The following SASH1 variants were observed in gnomAD, a reference collection of about 807,000 sequenced individuals.
SASH1 encodes the protein SAM and SH3 domain-containing protein 1.
SASH1 carries 44 observed loss-of-function variants against 125.2 expected under a neutral mutation model. The ratio of observed to expected loss-of-function variants is 0.35; its 90% CI spans 0.28 to 0.45. The LOEUF (loss-of-function observed/expected upper bound fraction) is 0.45, where lower values mean the gene tolerates loss of function less well. SASH1 is among the 20% of genes least tolerant of loss of function. The probability of loss-of-function intolerance (pLI) is 1.00; values close to 1 mark genes in which losing one functional copy is unlikely to be tolerated. For missense variants in SASH1, 1,426 were observed against 1,614.5 expected (o/e 0.88, Z 2.00); for synonymous variants, 639 against 649.1 (o/e 0.98, Z 0.24).
chr6:148,332,033 C>T (rs1694192592), intron 1 of SASH1, among the ~76,000 whole-genome samples: 2 of 152,116 alleles, frequency 1.3e-5, no homozygotes. Flanking sequence ...TTGTTTATTT[C>T]CCTTCTCTCC....
At chr6:148,229,718 A>C in the SASH1 span, among the ~76,000 whole-genome samples, 114 of 125,302 alleles carry the variant, frequency 9.1e-4, 1 homozygote, top group African/African-American at 3.3e-3. Context: ...ACGTCAGAGC[A>C]CTTTTTTTTT....
At chr6:148,206,948 T>C in the SASH1 span, among the ~76,000 whole-genome samples, 1 of 152,210 alleles carries the variant, frequency 6.6e-6, no homozygotes, top group African/African-American at 2.4e-5. Flanking sequence ...GAGTTAATAA[T>C]TGGGTCAATC....
At position 148,544,239 on chromosome 6, in the gene SASH1, A is replaced by T. The variant is rs1259826124; in HGVS notation, c.2769A>T (p.Ser923=). Residue 923 remains serine, a synonymous_variant, in exon 18 of 20, where the codon TCA becomes TCT. Coordinates refer to ENST00000367467, the MANE Select transcript of SASH1 (RefSeq NM_015278.5). This position sits in a 1 kb window ranked among gnomAD's most constrained non-coding sequence, Gnocchi z 6.4. ...GSIAASGRGL[S]PPQCLPRNYD... is the part of the protein sequence containing the mutation. ...TCGCAGCCTCTGGTCGCGGCCTGTC[A>T]CCCCCTCAGTGTTTGCCCAGAAACT... is the stretch of plus-strand genomic sequence containing the variant. The T allele has an allele frequency of 6.2e-7, 1 of 1,613,830 alleles. No individual in the cohort carries two copies. Among genetic ancestry groups the T allele is most frequent in the Non-Finnish European group, 8.5e-7 (1 of 1,179,972 alleles).
intron 18 of SASH1, among the ~76,000 whole-genome samples, 193 bp downstream of exon 18, chr6:148,545,011 C>T (rs181828027): frequency 1.6e-4 from 24 of 152,158 alleles, no homozygotes; most frequent in African/African-American, 4.1e-4. Flanking sequence ...TTCATCTCTC[C>T]GTAGGTAAAC....
At chr6:148,278,072 G>T (rs979391307) in intron 1 of SASH1, among the ~76,000 whole-genome samples, 5 of 150,764 alleles carry the variant, frequency 3.3e-5, no homozygotes, top group African/African-American at 1.2e-4. Flanking sequence ...ACGGAGTCTC[G>T]CTCTCTCACC....
chr6:148,269,837 C>T (rs952685915), upstream of SASH1, among the ~76,000 whole-genome samples: 2 of 152,134 alleles, frequency 1.3e-5, no homozygotes, highest in Non-Finnish European at 2.9e-5. Context: ...CAAATCATAG[C>T]TGATAAATGA....
intron 2 of SASH1, among the ~76,000 whole-genome samples, chr6:148,427,918 A>G (rs891946005): frequency 6.6e-6 from 1 of 152,192 alleles, no homozygotes; most frequent in Non-Finnish European, 1.5e-5. Flanking sequence ...GCTTTGCCCA[A>G]TGTGAAAGCA....
At chr6:148,498,243 A>AC (rs1779399969) in intron 8 of SASH1, among the ~76,000 whole-genome samples, 1 of 151,484 alleles carries the variant, frequency 6.6e-6, no homozygotes, top group African/African-American at 2.4e-5. Context: ...ACAAAAAAAA[A>AC]AAAACAAAAA....
the SASH1 span, chr6:148,237,518 C>G: frequency 6.6e-6 from 1 of 152,044 alleles, no homozygotes; most frequent in African/African-American, 2.4e-5. Context: ...TTTTTGTCCT[C>G]TACAGCAGAA....
chr6:148,466,315 T>A (rs964330344), intron 4 of SASH1, among the ~76,000 whole-genome samples: 2 of 152,220 alleles, frequency 1.3e-5, no homozygotes, highest in Admixed American at 6.5e-5. Flanking sequence ...ATTTTTGTGC[T>A]GGTCATCAAC....
At chr6:148,242,936 T>A in the SASH1 span, among the ~76,000 whole-genome samples, 1 of 152,202 alleles carries the variant, frequency 6.6e-6, no homozygotes, top group Non-Finnish European at 1.5e-5. Flanking sequence ...GATTTTTTTT[T>A]TAACTCTTAC....
intron 1 of SASH1, among the ~76,000 whole-genome samples, chr6:148,329,627 TGTGA>T (rs1213376012): frequency 1.3e-5 from 2 of 152,134 alleles, no homozygotes; most frequent in Non-Finnish European, 2.9e-5. Flanking sequence ...CCTTTGTGTG[TGTGA>T]GTGTGTATGT....
chr6:148,435,721 G>A (rs1776265827), intron 2 of SASH1, among the ~76,000 whole-genome samples: 2 of 152,120 alleles, frequency 1.3e-5, no homozygotes, highest in South Asian at 2.1e-4. Flanking sequence ...TGAACATGAA[G>A]TAACAGTAAA....
the SASH1 span, among the ~76,000 whole-genome samples, chr6:148,243,482 G>C: frequency 1.0e-5 from 1 of 96,558 alleles, no homozygotes; most frequent in Non-Finnish European, 2.3e-5. Flanking sequence ...AATAATAATA[G>C]TAAAACAAAA....
At chr6:148,315,839 G>A (rs117274755) in intron 1 of SASH1, among the ~76,000 whole-genome samples, 1 of 152,140 alleles carries the variant, frequency 6.6e-6, no homozygotes, top group Non-Finnish European at 1.5e-5. Flanking sequence ...GGGAGGTCGA[G>A]GTTTCAGTGA....
intron 1 of SASH1, among the ~76,000 whole-genome samples, chr6:148,299,874 C>T (rs1273040490): frequency 2.6e-5 from 4 of 152,054 alleles, no homozygotes; most frequent in Non-Finnish European, 4.4e-5. Context: ...CACTAGCCAA[C>T]CCTAACCCGC....
chr6:148,279,183 G>T (rs964413928), intron 1 of SASH1, among the ~76,000 whole-genome samples: 4 of 152,000 alleles, frequency 2.6e-5, no homozygotes, highest in Non-Finnish European at 4.4e-5. Flanking sequence ...GTAGAAACGG[G>T]TTTCACCATG....
chr6:148,346,754 G>T (rs749248526), intron 1 of SASH1, among the ~76,000 whole-genome samples: 1 of 152,190 alleles, frequency 6.6e-6, no homozygotes, highest in Non-Finnish European at 1.5e-5. Context: ...TGCATTTTGG[G>T]CAGTTTCATC....
rs1776863313 is a variant in SASH1 at position 148,447,699 on chromosome 6, C to T, written c.386+7292C>T. Among the ~76,000 whole-genome samples the T allele has an allele frequency of 2.6e-5, 4 of 151,128 alleles. No homozygotes were observed. In the South Asian group the frequency reaches 8.4e-4, roughly 32 times the overall value. On this transcript the variant is annotated intron_variant, in intron 4 of 19. Transcript: ENST00000367467. ...TCCTCCTCTTCTTCTTCCTCTTCTC[C>T]TCTTCCTCCTTCTCCTCCTCCTCAT... is the stretch of plus-strand genomic sequence containing the variant.
Sources: allele counts gnomAD v4.1 joint callset (sites outside exome capture counted in the v4.1 genomes callset), GRCh38; gene constraint gnomAD v4.1.1; non-coding constraint Gnocchi (gnomAD v3.1); transcripts MANE v1.5; gene names NCBI Gene and HGNC (gene_info 2026-07-23, HGNC 2026-07-21).